Variants in TSBP1 observed in about 807,000 individuals in gnomAD.
TSBP1 encodes testis-expressed basic protein 1.
Under a neutral mutation model 68.8 loss-of-function variants are expected in TSBP1, and 56 were observed. The observed-to-expected ratio is 0.81, with a 90% CI of 0.66 to 1.02. The LOEUF is 1.02. TSBP1 is among the 50% of genes least tolerant of loss of function. The probability of loss-of-function intolerance (pLI) is 0.00; values close to 1 mark genes in which losing one functional copy is unlikely to be tolerated. For synonymous variants in TSBP1, 171 were observed against 208.7 expected, an observed-to-expected ratio of 0.82 and a Z score of 1.56; for missense variants, 502 against 641.2, an observed-to-expected ratio of 0.78 and a Z score of 2.34.
At chr6:32,371,778 G>A (rs1220151518) in exon 1 of TSBP1, 14 of 1,592,156 alleles carry the variant, frequency 8.8e-6, no homozygotes, top group East Asian at 6.7e-5. Context: ...AAGGTAAAAC[G>A]AAAAACTCAA....
intron 20 of TSBP1, among the ~76,000 whole-genome samples, chr6:32,301,706 T>TC (rs1248673943): frequency 4.9e-5 from 4 of 81,268 alleles, no homozygotes; most frequent in African/African-American, 8.0e-5. Context: ...TGAAACGCTG[T>TC]TTTAAAAAAA....
chr6:32,336,486 G>T lies in TSBP1; in HGVS notation c.430+129C>A. The T allele has an allele frequency of 1.3e-6, 1 of 759,426 alleles. No individual in the cohort carries two copies. Among genetic ancestry groups the T allele is most frequent in the Non-Finnish European group, 2.2e-6 (1 of 450,984 alleles). 47.0% of individuals were successfully genotyped at this position (759,426 alleles called of 1,614,324 possible). A position where few individuals can be genotyped will look rare whatever the true frequency, so the allele number is the denominator to read the frequency against. On this transcript the variant is annotated intron_variant, in intron 12 of 22. Coordinates refer to ENST00000612031, the Ensembl canonical transcript of TSBP1. This position sits in a 1 kb window ranked among gnomAD's most constrained non-coding sequence, Gnocchi z 5.2. The stretch of plus-strand genomic sequence containing the variant: ...ACACAATATACCCATTAGCAAACCT[G>T]CATATGCACCACCGGAATCTAAAAT...
At chr6:32,331,891 A>G (rs560335688) in intron 15 of TSBP1, 143 bp downstream of exon 16, 26 of 682,486 alleles carry the variant, frequency 3.8e-5, no homozygotes, top group Non-Finnish European at 3.1e-5. Context: ...TCCAAAACCT[A>G]ACAGTTACGA....
At position 32,292,905 on chromosome 6, in the gene TSBP1, G is replaced by C; in HGVS notation, c.*76C>G. The C allele has an allele frequency of 1.2e-6, 1 of 856,754 alleles. No homozygotes were observed. The highest frequency in any genetic ancestry group is 1.6e-5 in the South Asian group (1 of 61,020). The allele number at this position is 856,754 out of a possible 1,614,324, so 53.1% of individuals were successfully genotyped here. ...ATAATTGTAATCTGTTTAGGCAATG[G>C]CTGGGATATGGTTTGTATCTGGAGT... is the stretch of plus-strand genomic sequence containing the variant. On this transcript the variant is annotated 3_prime_UTR_variant, in exon 23 of 23. Coordinates refer to ENST00000612031, the Ensembl canonical transcript of TSBP1. The surrounding 1 kb of genome is among the most constrained non-coding windows in gnomAD (Gnocchi z 4.1).
chr6:32,295,365 A>C lies in TSBP1; in HGVS notation c.638-1330T>G, dbSNP rs867212039. 6.2e-3 allele frequency among the ~76,000 whole-genome samples: 914 copies of C among 147,340 alleles called. 16 individuals carry two copies. The highest frequency in any genetic ancestry group is 0.02 in the East Asian group (100 of 4,976). On this transcript the variant is annotated intron_variant, in intron 22 of 22. Coordinates refer to ENST00000612031, the Ensembl canonical transcript of TSBP1. ...ACACACACACAAAAAAAAAAAAAAA[A>C]AAAAAGAAGACCTAGGTTTATTATT...
intron 4 of TSBP1, among the ~76,000 whole-genome samples, chr6:32,367,054 T>TGC (rs760907155): frequency 1.1e-5 from 1 of 90,178 alleles, no homozygotes; most frequent in Non-Finnish European, 2.7e-5. Flanking sequence ...GCTTGTAGCG[T>TGC]GTGTGTGTGT....
chr6:32,311,856 AT>A (rs1322774089), intron 19 of TSBP1, among the ~76,000 whole-genome samples: 5 of 152,282 alleles, frequency 3.3e-5, no homozygotes, highest in African/African-American at 1.2e-4. Context: ...TTTTGTGCCT[AT>A]CTGAATGAAG....
intron 20 of TSBP1, among the ~76,000 whole-genome samples, chr6:32,301,416 T>C (rs1765272942): frequency 6.6e-6 from 1 of 151,954 alleles, no homozygotes; most frequent in African/African-American, 2.4e-5. Flanking sequence ...AAACCTAACA[T>C]AGAAAGCACA....
At chr6:32,344,223 A>G (rs1256998990) in intron 9 of TSBP1, among the ~76,000 whole-genome samples, 1 of 149,562 alleles carries the variant, frequency 6.7e-6, no homozygotes, top group Admixed American at 6.6e-5. Flanking sequence ...GTCATTTAGC[A>G]TTAGGTATAT....
chr6:32,369,852 C>G (rs747908419), intron 2 of TSBP1, 45 bp downstream of exon 2: 2 of 1,186,410 alleles, frequency 1.7e-6, no homozygotes, highest in Non-Finnish European at 2.5e-6. Context: ...TCCCTCCCTC[C>G]GTGGTTTTCA....
At chr6:32,352,882 C>T (rs1342236250) in intron 8 of TSBP1, 3 of 151,774 alleles carry the variant, frequency 2.0e-5, no homozygotes, top group Non-Finnish European at 4.4e-5. Flanking sequence ...TAAGAGCGCC[C>T]ACTTTGGCAG....
At chr6:32,300,801 A>G (rs1765208575) in intron 20 of TSBP1, 101 bp from the exon 24 acceptor site, 1 of 935,386 alleles carries the variant, frequency 1.1e-6, no homozygotes, top group Non-Finnish European at 1.7e-6. Flanking sequence ...ATTAACAACT[A>G]AATTTCATTT....
chr6:32,330,635 AACACACACACACACACAC>A (rs9279582), intron 15 of TSBP1, 26 bp from the exon 17 acceptor site: 14,864 of 1,134,748 alleles, frequency 0.013, 108 homozygotes, highest in Non-Finnish European at 0.016. Flanking sequence ...AAACAAATTA[AACACACACACACACACAC>A]ACACACACAC....
intron 6 of TSBP1, among the ~76,000 whole-genome samples, chr6:32,360,457 C>T (rs1360736590): frequency 6.6e-6 from 1 of 151,858 alleles, no homozygotes; most frequent in Non-Finnish European, 1.5e-5. Flanking sequence ...CTGATGGACA[C>T]CTAGTTTATT....
At position 32,302,619 on chromosome 6, in the gene TSBP1, T is replaced by C. The variant is rs780767456; in HGVS notation, c.591A>G (p.Gln197=). ...ATATTAGGAACTTACTAGTGTGAAC[T>C]TGAGGTATTCCTGAAAATCAAAACA... The change falls in exon 20 of 23, where the codon CAA becomes CAG. Residue 197 remains glutamine, a synonymous_variant. Transcript: ENST00000612031. This position sits in a 1 kb window ranked among gnomAD's most constrained non-coding sequence, Gnocchi z 5.1. The C allele has an allele frequency of 1.9e-5, 29 of 1,552,618 alleles. No homozygotes were observed. Among genetic ancestry groups the C allele is most frequent in the Non-Finnish European group, 2.4e-5 (28 of 1,153,800 alleles).
At chr6:32,342,880 A>G (rs1206198626) in intron 9 of TSBP1, among the ~76,000 whole-genome samples, 2 of 152,214 alleles carry the variant, frequency 1.3e-5, no homozygotes, top group Non-Finnish European at 2.9e-5. Context: ...AGAAAATCAA[A>G]CCTGTTCTAT....
chr6:32,370,407 G>GTGTGTGTGTATATATA lies in TSBP1; in HGVS notation c.14-425_14-424insTATATATACACACACA, dbSNP rs1241237254. ...TACCTTTAAAGTTGCAAGATTTTCT[G>GTGTGTGTGTATATATA]TATATATATATATATATATATATAT... is the stretch of plus-strand genomic sequence containing the variant. On this transcript the variant is annotated intron_variant, in intron 1 of 22. Transcript: ENST00000612031. 3.8e-3 allele frequency among the ~76,000 whole-genome samples: 498 copies of GTGTGTGTGTATATATA among 130,610 alleles called. 6 individuals carry two copies. Among genetic ancestry groups the GTGTGTGTGTATATATA allele is most frequent in the Admixed American group, 9.5e-3 (121 of 12,730 alleles). 85.7% of individuals were successfully genotyped at this position (130,610 alleles called of 152,430 possible).
At chr6:32,350,118 C>A in intron 8 of TSBP1, 1 of 569,144 alleles carries the variant, frequency 1.8e-6, no homozygotes, top group Non-Finnish European at 3.3e-6. Context: ...CTCTACCTTT[C>A]CTCCACCTCT....
exon 23 of TSBP1, chr6:32,293,994 A>T (rs560505): frequency 7.4e-6 from 12 of 1,611,632 alleles, no homozygotes; most frequent in East Asian, 2.2e-5. Flanking sequence ...TTGGAACAAG[A>T]TTTTTTTGCA....
Sources: allele counts gnomAD v4.1 joint callset (sites outside exome capture counted in the v4.1 genomes callset), GRCh38; gene constraint gnomAD v4.1.1; non-coding constraint Gnocchi (gnomAD v3.1); transcripts MANE v1.5; gene names NCBI Gene and HGNC (gene_info 2026-07-23, HGNC 2026-07-21).